TIPIN: variants seen among roughly 807,000 people sequenced by gnomAD.
TIPIN encodes TIMELESS interacting protein.
A neutral mutation model predicts 35.6 loss-of-function variants in TIPIN; 29 were observed. The ratio of observed to expected loss-of-function variants is 0.82; its 90% CI spans 0.61 to 1.11. TIPIN has a LOEUF of 1.11. TIPIN is among the 50% of genes most tolerant of loss of function. TIPIN has a pLI of 0.00. For missense variants in TIPIN, 296 were observed against 345.4 expected (o/e 0.86, Z 1.13); for synonymous variants, 102 against 121.5 (o/e 0.84, Z 1.06).
chr15:66,370,049 A>G (rs1254648199), intron 1 of TIPIN, among the ~76,000 whole-genome samples: 1 of 152,194 alleles, frequency 6.6e-6, no homozygotes, highest in Admixed American at 6.5e-5. Context: ...AGATTTGTTT[A>G]CTCTCAAACC....
intron 1 of TIPIN, among the ~76,000 whole-genome samples, chr15:66,378,435 G>A (rs1205955273): frequency 1.3e-5 from 2 of 152,066 alleles, no homozygotes; most frequent in African/African-American, 4.8e-5. Context: ...GCGCCCAGCC[G>A]ATTGCTCTTA....
intron 4 of TIPIN, among the ~76,000 whole-genome samples, chr15:66,350,773 C>CAA (rs573428770): frequency 2.8e-5 from 4 of 141,176 alleles, no homozygotes; most frequent in African/African-American, 1.0e-4. Context: ...ACTAAAAATA[C>CAA]AAAAAAAAAA....
chr15:66,362,136 T>C (rs77136171), intron 1 of TIPIN, among the ~76,000 whole-genome samples: 30,152 of 151,474 alleles, frequency 0.2, 3,078 homozygotes, highest in East Asian at 0.38. Context: ...AAACCCTGTC[T>C]CTACTAAAAT....
chr15:66,347,371 G>A (rs769918636), intron 6 of TIPIN: 6 of 471,792 alleles, frequency 1.3e-5, no homozygotes, highest in Admixed American at 1.2e-4. Flanking sequence ...CTATATCCGA[G>A]AGCTGCGCTC....
chr15:66,356,045 A>C (rs1045370610), intron 1 of TIPIN, among the ~76,000 whole-genome samples: 3 of 152,042 alleles, frequency 2.0e-5, no homozygotes, highest in Non-Finnish European at 2.9e-5. Flanking sequence ...AATTGTCTGA[A>C]CTTCCTCCTC....
intron 1 of TIPIN, among the ~76,000 whole-genome samples, chr15:66,382,512 C>A (rs1459192543): frequency 6.6e-6 from 1 of 152,172 alleles, no homozygotes; most frequent in Admixed American, 6.6e-5. Context: ...GTAGCTGGGA[C>A]TGCAGGCATG....
At position 66,340,369 on chromosome 15, in the gene TIPIN, G is replaced by A. The variant is rs529599626; in HGVS notation, c.682+781C>T. On this transcript the variant is annotated intron_variant, in intron 7 of 7. Coordinates refer to ENST00000261881, the MANE Select transcript of TIPIN (RefSeq NM_017858.3). Reference sequence around the variant, plus strand: ...ATTTTTGTATTTTTAGTAGAGGTGGGGTTTCACCATGTTGGCCAGGCTGGT... The same window carrying A: ...ATTTTTGTATTTTTAGTAGAGGTGGAGTTTCACCATGTTGGCCAGGCTGGT... Among the ~76,000 whole-genome samples, 24 of 150,946 alleles carry A rather than the reference G, an allele frequency of 1.6e-4. No homozygotes were observed. The South Asian group carries it at 3.5e-3, about 22-fold the overall frequency.
intron 1 of TIPIN, among the ~76,000 whole-genome samples, chr15:66,386,118 AC>A (rs35534818): frequency 0.097 from 14,693 of 152,024 alleles, 905 homozygotes; most frequent in East Asian, 0.34. Context: ...CATGGTGAAA[AC>A]CCGTTTCTAC....
chr15:66,367,208 C>CTATATCTATATCTATATCTA (rs772405456), intron 1 of TIPIN, among the ~76,000 whole-genome samples: 24,944 of 148,692 alleles, frequency 0.17, 2,675 homozygotes, highest in Non-Finnish European at 0.23. Flanking sequence ...ATATCTATAT[C>CTATATCTATATCTATATCTA]TATATCTATA....
rs528776618 is a variant in TIPIN at position 66,336,613 on chromosome 15, C to A, written c.*345G>T. Reference sequence around the variant, plus strand: ...AACTAGACTACTCTGGGCACACTGTCCATGGATTAGCCCTGCTTTGCAAGG... The same window carrying A: ...AACTAGACTACTCTGGGCACACTGTACATGGATTAGCCCTGCTTTGCAAGG... On this transcript the variant is annotated 3_prime_UTR_variant, in exon 8 of 8. Coordinates refer to ENST00000261881, the MANE Select transcript of TIPIN (RefSeq NM_017858.3). 23 of 257,072 alleles carry A rather than the reference C, an allele frequency of 8.9e-5. No homozygotes were observed. Among genetic ancestry groups the A allele is most frequent in the African/African-American group, 4.6e-4 (21 of 45,422 alleles). 15.9% of individuals were successfully genotyped at this position (257,072 alleles called of 1,614,324 possible). A position where few individuals can be genotyped will look rare whatever the true frequency, so the allele number is the denominator to read the frequency against.
intron 6 of TIPIN, among the ~76,000 whole-genome samples, chr15:66,344,687 CAAAAAAAAAAAGAA>C (rs2093111503): frequency 1.6e-5 from 1 of 62,806 alleles, no homozygotes; most frequent in Admixed American, 1.7e-4. Flanking sequence ...CCTTTCTCTA[CAAAAAAAAAAAGAA>C]AAAAAAAAAA....
intron 4 of TIPIN, among the ~76,000 whole-genome samples, chr15:66,350,371 C>T (rs865880348): frequency 3.3e-5 from 5 of 151,572 alleles, no homozygotes; most frequent in African/African-American, 1.2e-4. Context: ...TGTGGGAGGC[C>T]GAGGCGGGTG....
intron 4 of TIPIN, among the ~76,000 whole-genome samples, chr15:66,349,945 GTTTTTTTTGT>G (rs1359317741): frequency 2.1e-5 from 2 of 97,366 alleles, no homozygotes; most frequent in Non-Finnish European, 4.3e-5. Flanking sequence ...GGATACAGGG[GTTTTTTTTGT>G]TTTTTTGGTT....
At chr15:66,368,310 A>G (rs186583884) in intron 1 of TIPIN, among the ~76,000 whole-genome samples, 2 of 151,558 alleles carry the variant, frequency 1.3e-5, no homozygotes, top group African/African-American at 4.8e-5. Flanking sequence ...ACTTGAGTTC[A>G]GGAGTTTGAG....
chr15:66,338,299 C>T (rs1292444992), intron 7 of TIPIN, among the ~76,000 whole-genome samples: 1 of 152,006 alleles, frequency 6.6e-6, no homozygotes, highest in Non-Finnish European at 1.5e-5. Flanking sequence ...TAATAAAAAC[C>T]AAGTGCGTTT....
At chr15:66,376,486 T>C (rs187437517) in intron 1 of TIPIN, among the ~76,000 whole-genome samples, 40 of 152,146 alleles carry the variant, frequency 2.6e-4, no homozygotes, top group Middle Eastern at 6.8e-3. Context: ...TGGAGTGCCA[T>C]GATGTGGTCT....
At chr15:66,367,256 C>CTA (rs1566983241) in intron 1 of TIPIN, among the ~76,000 whole-genome samples, 7 of 134,560 alleles carry the variant, frequency 5.2e-5, no homozygotes, top group South Asian at 2.2e-4. Context: ...ATCTATATAT[C>CTA]TATATCTATA....
At chr15:66,349,186 T>C in intron 5 of TIPIN, 63 bp from the exon 6 acceptor site, 1 of 1,596,696 alleles carries the variant, frequency 6.3e-7, no homozygotes, top group South Asian at 1.1e-5. Flanking sequence ...GGGAGATAAT[T>C]TGCTATTACT....
chr15:66,348,652 C>G (rs951729651), intron 6 of TIPIN, among the ~76,000 whole-genome samples: 2 of 143,714 alleles, frequency 1.4e-5, no homozygotes, highest in Non-Finnish European at 3.1e-5. Context: ...CGAGATCATG[C>G]CACTGCACTC....
Sources: allele counts gnomAD v4.1 joint callset (sites outside exome capture counted in the v4.1 genomes callset), GRCh38; gene constraint gnomAD v4.1.1; transcripts MANE v1.5; gene names NCBI Gene and HGNC (gene_info 2026-07-23, HGNC 2026-07-21).